The following COL27A1 variants were observed in gnomAD, a reference collection of about 807,000 sequenced individuals.
COL27A1 encodes the protein collagen type XXVII alpha 1 chain.
COL27A1 carries 106 observed loss-of-function variants against 251.3 expected under a neutral mutation model. That is an observed-to-expected ratio of 0.42 (90% CI 0.36 to 0.50). The LOEUF (loss-of-function observed/expected upper bound fraction) is 0.50. COL27A1 is among the 20% of genes least tolerant of loss of function. The probability of loss-of-function intolerance (pLI) is 0.00; values close to 1 mark genes in which losing one functional copy is unlikely to be tolerated. For missense variants in COL27A1, 2,325 were observed against 2,522.8 expected (o/e 0.92, Z 1.68); for synonymous variants, 1,000 against 986.3 (o/e 1.01, Z -0.26).
chr9:114,177,158 T>A (rs1238331549), intron 3 of COL27A1, among the ~76,000 whole-genome samples: 1 of 152,152 alleles, frequency 6.6e-6, no homozygotes, highest in Non-Finnish European at 1.5e-5. Context: ...ACGGGGAGCA[T>A]CTGAGACTCA....
intron 12 of COL27A1, among the ~76,000 whole-genome samples, chr9:114,214,282 T>C (rs1830567767): frequency 6.6e-6 from 1 of 152,176 alleles, no homozygotes. Flanking sequence ...GGCCAGACAG[T>C]TTCTAGGCAC....
intron 3 of COL27A1, among the ~76,000 whole-genome samples, chr9:114,177,062 A>G (rs1360876698): frequency 6.6e-6 from 1 of 152,242 alleles, no homozygotes; most frequent in African/African-American, 2.4e-5. Flanking sequence ...CAAAGGCTGC[A>G]GGCACAGTTC....
chr9:114,168,656 C>T lies in COL27A1; in HGVS notation c.1101C>T (p.Ser367=), dbSNP rs777844587. The T allele has an allele frequency of 1.8e-5, 29 of 1,614,176 alleles. No homozygotes were observed. The highest frequency in any genetic ancestry group is 2.0e-5 in the Non-Finnish European group (24 of 1,180,030). Residue 367 remains serine, a synonymous_variant, in exon 3 of 61, where the codon AGC becomes AGT. Coordinates refer to ENST00000356083, the MANE Select transcript of COL27A1 (RefSeq NM_032888.4). The part of the protein sequence containing the change: ...QKITATKIPK[S]LPTKPSAPST... ...TCACAGCCACCAAAATCCCCAAAAG[C>T]CTCCCTACCAAGCCTTCGGCCCCTT...
chr9:114,263,998 G>T (rs1420832636), intron 28 of COL27A1, among the ~76,000 whole-genome samples: 1 of 152,238 alleles, frequency 6.6e-6, no homozygotes, highest in Non-Finnish European at 1.5e-5. Context: ...TGAAGAGTTG[G>T]CCGTGTGGAC....
chr9:114,311,507 A>G lies in COL27A1; in HGVS notation c.*812A>G, dbSNP rs894117499. ...TTTTCCTAGCATCGCCCTTGTGCTCATCAGGTAATCTGCTAAGGAGGAAAA... is the reference window on the plus strand; with the variant it reads ...TTTTCCTAGCATCGCCCTTGTGCTCGTCAGGTAATCTGCTAAGGAGGAAAA... On this transcript the variant is annotated 3_prime_UTR_variant, in exon 61 of 61. Transcript: ENST00000356083. The G allele has an allele frequency of 6.6e-6, 1 of 150,946 alleles. No homozygotes were observed. The highest frequency in any genetic ancestry group is 6.6e-5 in the Admixed American group (1 of 15,140). 9.4% of individuals were successfully genotyped at this position (150,946 alleles called of 1,614,324 possible). A position where few individuals can be genotyped will look rare whatever the true frequency, so the allele number is the denominator to read the frequency against.
At chr9:114,305,470 T>A (rs756494539) in intron 57 of COL27A1, among the ~76,000 whole-genome samples, 5 of 152,196 alleles carry the variant, frequency 3.3e-5, no homozygotes, top group Admixed American at 6.5e-5. Flanking sequence ...TGCAACATCC[T>A]TAACATGATG....
At chr9:114,275,922 A>G (rs922410952) in intron 37 of COL27A1, among the ~76,000 whole-genome samples, 154 bp downstream of exon 37, 5 of 152,072 alleles carry the variant, frequency 3.3e-5, no homozygotes, top group Non-Finnish European at 5.9e-5. Flanking sequence ...CAGAGAACCA[A>G]TCTGCTCAAT....
At chr9:114,270,650 G>A (rs1318112810) in intron 35 of COL27A1, 78 bp from the exon 36 acceptor site, 6 of 1,150,122 alleles carry the variant, frequency 5.2e-6, no homozygotes, top group Non-Finnish European at 7.8e-6. Context: ...CTGCCCCAGG[G>A]AGGGGGAAGA....
At chr9:114,212,948 A>C (rs78241549) in intron 12 of COL27A1, among the ~76,000 whole-genome samples, 6,497 of 152,144 alleles carry the variant, frequency 0.043, 447 homozygotes, top group African/African-American at 0.15. Context: ...CTGCCCCAAC[A>C]CTCAGGCCAG....
In COL27A1 at chr9:114,286,582, A is replaced by G. The variant is rs181214604; in HGVS notation, c.3987+1805A>G. Among the ~76,000 whole-genome samples, 190 of 152,274 alleles carry G rather than the reference A, an allele frequency of 1.2e-3. 1 individual carries two copies. The highest frequency in any genetic ancestry group is 4.3e-3 in the African/African-American group (180 of 41,544). Reference sequence around the variant, plus strand: ...GAGGGGATGAGACTCTGGGACTTGGACAGGGCAGGGAAGTATCCTACCAGA... The same window carrying G: ...GAGGGGATGAGACTCTGGGACTTGGGCAGGGCAGGGAAGTATCCTACCAGA... On this transcript the variant is annotated intron_variant, in intron 41 of 60. Transcript: ENST00000356083.
At chr9:114,183,700 G>A (rs1012871500) in intron 5 of COL27A1, among the ~76,000 whole-genome samples, 7 of 152,112 alleles carry the variant, frequency 4.6e-5, no homozygotes, top group African/African-American at 1.2e-4. Flanking sequence ...GATGTTGCAC[G>A]CAGGAACATG....
intron 9 of COL27A1, 23 bp from the exon 10 acceptor site, chr9:114,206,229 C>T (rs1394522623): frequency 6.2e-7 from 1 of 1,613,436 alleles, no homozygotes; most frequent in Non-Finnish European, 8.5e-7. Context: ...TATGTCCTTG[C>T]CCCTCTGTGT....
At chr9:114,170,831 T>A (rs1659391259) in intron 3 of COL27A1, among the ~76,000 whole-genome samples, 1 of 152,222 alleles carries the variant, frequency 6.6e-6, no homozygotes, top group Non-Finnish European at 1.5e-5. Context: ...TGGCACCAGG[T>A]GCCTTGGGGC....
Position 114,306,527 on chromosome 9 carries a change from G to A in COL27A1, c.4946G>A (p.Ser1649Asn). Residue 1649 changes from serine to asparagine, a missense_variant, in exon 58 of 61, where the codon AGC becomes AAC. By Grantham distance (46) the Ser-to-Asn change is conservative. This residue lies in a region of COL27A1 where 327 missense variants were observed against 442.8 expected (regional missense o/e 0.74). Transcript: ENST00000356083. The part of the protein sequence containing the change: ...TSGALRPESY[S>N]YPDRLVLDQG... ...ACCCTCTCCTCGTGACAGAGTTACA[G>A]CTATCCAGACCGGCTGGTGCTGGAC... is the stretch of plus-strand genomic sequence containing the variant. The A allele has an allele frequency of 1.2e-6, 2 of 1,614,036 alleles. No individual in the cohort carries two copies. Among genetic ancestry groups the A allele is most frequent in the Non-Finnish European group, 1.7e-6 (2 of 1,180,026 alleles).
At chr9:114,234,697 C>T (rs957387348) in intron 16 of COL27A1, among the ~76,000 whole-genome samples, 2 of 152,150 alleles carry the variant, frequency 1.3e-5, no homozygotes, top group African/African-American at 4.8e-5. Flanking sequence ...AGACTTAAGT[C>T]AAGACCAATT....
At chr9:114,240,048 T>A (rs1832649637) in intron 19 of COL27A1, among the ~76,000 whole-genome samples, 172 bp from the exon 20 acceptor site, 1 of 152,190 alleles carries the variant, frequency 6.6e-6, no homozygotes, top group Admixed American at 6.5e-5. Flanking sequence ...GCTGGAACCA[T>A]GCACCCTGTT....
intron 3 of COL27A1, among the ~76,000 whole-genome samples, chr9:114,170,189 G>C (rs10982090): frequency 0.08 from 12,228 of 152,248 alleles, 658 homozygotes; most frequent in South Asian, 0.13. Flanking sequence ...GCACCTGCAG[G>C]GGTTTGATTT....
At chr9:114,217,856 G>A (rs1830806308) in intron 12 of COL27A1, 1 of 469,426 alleles carries the variant, frequency 2.1e-6, no homozygotes, top group African/African-American at 2.0e-5. Flanking sequence ...GCTCACACCT[G>A]TAATCCCAAC....
chr9:114,195,955 C>T lies in COL27A1; in HGVS notation c.2071-4C>T. 1 of 1,612,420 alleles carries T rather than the reference C, an allele frequency of 6.2e-7. No individual in the cohort carries two copies. The highest frequency in any genetic ancestry group is 8.5e-7 in the Non-Finnish European group (1 of 1,178,380). On this transcript the variant is annotated splice_polypyrimidine_tract_variant and splice_region_variant and intron_variant, in intron 6 of 60. Transcript: ENST00000356083. ...GCCTCACCCACCTTGTCTGTGTCTTCCAGGGTGACATGGGCTTGCCTGGGC... is the reference window on the plus strand; with the variant it reads ...GCCTCACCCACCTTGTCTGTGTCTTTCAGGGTGACATGGGCTTGCCTGGGC...
Sources: gnomAD v4.1 joint callset for allele counts (sites outside exome capture counted in the v4.1 genomes callset) on GRCh38, gnomAD v4.1.1 for gene constraint, gnomAD v4.1.1 regional missense constraint, MANE v1.5 for transcripts, NCBI Gene and HGNC (gene_info 2026-07-23, HGNC 2026-07-21) for gene names.